The following CACNA1E variants were observed in gnomAD, a reference collection of about 807,000 sequenced individuals.
CACNA1E encodes the protein voltage-dependent R-type calcium channel subunit alpha-1E.
Under a neutral mutation model 259.2 loss-of-function variants are expected in CACNA1E, and 40 were observed. That is an observed-to-expected ratio of 0.15 (90% CI 0.12 to 0.20). CACNA1E has a LOEUF of 0.20. Ranked by LOEUF, CACNA1E falls within the 10% of genes least tolerant of loss-of-function variation. The pLI is 1.00. For missense variants in CACNA1E, 1,874 were observed against 3,040.1 expected (o/e 0.62, Z 9.02); for synonymous variants, 1,104 against 1,138.5 (o/e 0.97, Z 0.61).
chr1:181,569,606 G>T (rs1284129695), intron 3 of CACNA1E, among the ~76,000 whole-genome samples: 1 of 152,204 alleles, frequency 6.6e-6, no homozygotes, highest in Non-Finnish European at 1.5e-5. Flanking sequence ...ATTTTTGATA[G>T]ATCATAATTA....
intron 6 of CACNA1E, among the ~76,000 whole-genome samples, chr1:181,603,481 G>A (rs1400040340): frequency 1.3e-5 from 2 of 152,084 alleles, no homozygotes; most frequent in Non-Finnish European, 2.9e-5. Flanking sequence ...AGCTGTGTGT[G>A]GAAACGGACT....
intron 7 of CACNA1E, 109 bp from the exon 8 acceptor site, chr1:181,710,845 G>T: frequency 1.3e-6 from 1 of 773,008 alleles, no homozygotes; most frequent in Non-Finnish European, 2.2e-6. Context: ...GGGTACATGG[G>T]CTTAATAGAG....
chr1:181,346,654 C>T (rs932589636), intron 1 of CACNA1E, among the ~76,000 whole-genome samples: 1 of 152,238 alleles, frequency 6.6e-6, no homozygotes, highest in Non-Finnish European at 1.5e-5. Flanking sequence ...GTCAGCCAAT[C>T]TCAGGTGTGT....
At chr1:181,733,064 T>A in intron 20 of CACNA1E, 30 bp downstream of exon 20, 1 of 1,546,244 alleles carries the variant, frequency 6.5e-7, no homozygotes, top group Non-Finnish European at 8.7e-7. Flanking sequence ...CCCAGATGGA[T>A]GGCACACAGG....
At chr1:181,521,734 T>C (rs1163032116) in intron 3 of CACNA1E, among the ~76,000 whole-genome samples, 2 of 152,170 alleles carry the variant, frequency 1.3e-5, no homozygotes, top group Non-Finnish European at 2.9e-5. Flanking sequence ...AGGATAACTT[T>C]TCACTGGGAC....
At chr1:181,407,682 T>C (rs898140721) in intron 1 of CACNA1E, among the ~76,000 whole-genome samples, 5 of 152,160 alleles carry the variant, frequency 3.3e-5, no homozygotes, top group Admixed American at 1.3e-4. Context: ...GGTAGCAGGC[T>C]GGCTCAGCTA....
chr1:181,665,778 A>G (rs551572616), intron 7 of CACNA1E, among the ~76,000 whole-genome samples: 1 of 152,180 alleles, frequency 6.6e-6, no homozygotes, highest in Non-Finnish European at 1.5e-5. Context: ...AAAAAAATTT[A>G]AAAAGATGGC....
At chr1:181,551,323 G>T (rs1260691338) in intron 3 of CACNA1E, among the ~76,000 whole-genome samples, 1 of 152,170 alleles carries the variant, frequency 6.6e-6, no homozygotes, top group African/African-American at 2.4e-5. Context: ...CCTCGCCTAG[G>T]CAGTCAGACT....
intron 43 of CACNA1E, among the ~76,000 whole-genome samples, chr1:181,787,458 C>G (rs1170118639): frequency 6.6e-6 from 1 of 152,200 alleles, no homozygotes; most frequent in Non-Finnish European, 1.5e-5. Context: ...ATTGCAATCT[C>G]TGTTTATCTA....
At chr1:181,341,259 C>T (rs781556243) in intron 1 of CACNA1E, among the ~76,000 whole-genome samples, 1 of 152,154 alleles carries the variant, frequency 6.6e-6, no homozygotes, top group Non-Finnish European at 1.5e-5. Flanking sequence ...TTGGAGCACG[C>T]CCCACAGCCC....
At chr1:181,607,686 CT>C (rs1451812122) in intron 6 of CACNA1E, among the ~76,000 whole-genome samples, 1 of 152,110 alleles carries the variant, frequency 6.6e-6, no homozygotes, top group Non-Finnish European at 1.5e-5. Context: ...ATGTCAAATA[CT>C]TTGAAAACTA....
intron 6 of CACNA1E, among the ~76,000 whole-genome samples, chr1:181,598,734 T>C (rs1653446256): frequency 1.3e-5 from 2 of 152,356 alleles, no homozygotes; most frequent in South Asian, 4.1e-4. Flanking sequence ...ATTAGTCTAA[T>C]GAACTAGAGT....
chr1:181,799,190 C>T lies in CACNA1E; in HGVS notation c.*356C>T, dbSNP rs944183015. 1 of 181,406 alleles carries T rather than the reference C, an allele frequency of 5.5e-6. No homozygotes were observed. The highest frequency in any genetic ancestry group is 1.1e-5 in the Non-Finnish European group (1 of 87,494). The allele number at this position is 181,406 out of a possible 1,614,324, so 11.2% of individuals were successfully genotyped here. ...GAGGGATCTAGCTGGCCTATGTCTA[C>T]ACTCAGTGCCCTGAGAAGCCTGGAA... On this transcript the variant is annotated 3_prime_UTR_variant, in exon 48 of 48. Transcript: ENST00000367573.
intron 1 of CACNA1E, among the ~76,000 whole-genome samples, chr1:181,412,683 G>A (rs1657943097): frequency 6.6e-6 from 1 of 152,162 alleles, no homozygotes; most frequent in Non-Finnish European, 1.5e-5. Context: ...GGGGTTAGAG[G>A]GATTCTTCTA....
chr1:181,524,109 T>C (rs1199304386), intron 3 of CACNA1E, among the ~76,000 whole-genome samples: 3 of 152,244 alleles, frequency 2.0e-5, no homozygotes, highest in Non-Finnish European at 2.9e-5. Context: ...AGGTTGCTCA[T>C]GCAGAGCCAT....
rs2102936680 is a variant in CACNA1E, at chr1:181,804,110, T to A, written c.*5276T>A. The A allele has an allele frequency of 6.6e-6, 1 of 152,334 alleles. No homozygotes were observed. The highest frequency in any genetic ancestry group is 2.4e-5 in the African/African-American group (1 of 41,576). The allele number at this position is 152,334 out of a possible 1,614,324, so 9.4% of individuals were successfully genotyped here. ...TTTATTTTTGGAGGTATGAAAGAGT[T>A]GAGTAGACCAAGTCAAAAGAGGTGT... On this transcript the variant is annotated 3_prime_UTR_variant, in exon 48 of 48. Coordinates refer to ENST00000367573, the MANE Select transcript of CACNA1E (RefSeq NM_001205293.3).
chr1:181,327,406 T>G (rs545737304), intron 1 of CACNA1E, among the ~76,000 whole-genome samples: 3 of 152,326 alleles, frequency 2.0e-5, no homozygotes, highest in Middle Eastern at 3.4e-3. Flanking sequence ...GGTATATATA[T>G]ATCTGTGTAG....
In CACNA1E at chr1:181,511,515, G is replaced by A; in HGVS notation, c.512+5G>A. 6.2e-7 allele frequency: 1 copy of A among 1,613,478 alleles called. No individual in the cohort carries two copies. Among genetic ancestry groups the A allele is most frequent in the Non-Finnish European group, 8.5e-7 (1 of 1,179,820 alleles). On this transcript the variant is annotated splice_donor_5th_base_variant and intron_variant, in intron 3 of 47. Transcript: ENST00000367573. ...CTTCATCGTGGTCCTCAGTGGGTAA[G>A]TCCATTTTCTCTCTCTGTCTGTGTG...
At chr1:181,539,954 C>T (rs1668455886) in intron 3 of CACNA1E, among the ~76,000 whole-genome samples, 1 of 152,180 alleles carries the variant, frequency 6.6e-6, no homozygotes, top group Non-Finnish European at 1.5e-5. Flanking sequence ...TTCAGGTCCC[C>T]AGTCTTACAA....
Sources: allele counts gnomAD v4.1 joint callset (sites outside exome capture counted in the v4.1 genomes callset), GRCh38; gene constraint gnomAD v4.1.1; transcripts MANE v1.5; gene names NCBI Gene and HGNC (gene_info 2026-07-23, HGNC 2026-07-21).